The following BRCA1 variants were observed in gnomAD, a reference collection of about 807,000 sequenced individuals.
The protein encoded by BRCA1 is breast cancer type 1 susceptibility protein.
In BRCA1, 140 loss-of-function variants were observed where a neutral mutation model predicts 173.7. That is an observed-to-expected ratio of 0.81 (90% CI 0.70 to 0.93). The LOEUF is 0.93. BRCA1 is among the 40% of genes least tolerant of loss of function. BRCA1 has a pLI of 0.00. For synonymous variants in BRCA1, 662 were observed against 756.0 expected (o/e 0.88, Z 2.04); for missense variants, 1,983 against 2,172.5 (o/e 0.91, Z 1.73).
intron 2 of BRCA1, among the ~76,000 whole-genome samples, chr17:43,118,099 G>A (rs2055379129): frequency 1.3e-5 from 2 of 152,132 alleles, no homozygotes; most frequent in South Asian, 4.1e-4. Context: ...GGGGAGTCAG[G>A]AAAGGTTTCA....
chr17:43,063,656 T>G (rs1372446574), intron 17 of BRCA1, among the ~76,000 whole-genome samples: 2 of 152,198 alleles, frequency 1.3e-5, no homozygotes, highest in African/African-American at 4.8e-5. Flanking sequence ...TAGGAGCAGA[T>G]TAGGTCCTAT....
chr17:43,143,189 C>T (rs902935556), intron 1 of BRCA1, among the ~76,000 whole-genome samples: 1 of 151,664 alleles, frequency 6.6e-6, no homozygotes, highest in African/African-American at 2.4e-5. Context: ...GATCCGCCTG[C>T]CTTGGCCTCC....
intron 1 of BRCA1, chr17:43,153,802 C>CG (rs2056178724): frequency 6.6e-6 from 1 of 152,162 alleles, no homozygotes; most frequent in African/African-American, 2.4e-5. Flanking sequence ...ACTGTGTACT[C>CG]TTATTAGATC....
chr17:43,095,119 C>T (rs377114453), intron 9 of BRCA1, among the ~76,000 whole-genome samples: 22 of 152,060 alleles, frequency 1.4e-4, no homozygotes, highest in African/African-American at 4.3e-4. Context: ...ATTTCTCTAA[C>T]GTCTAAGAGT....
chr17:43,094,727 G>A lies in BRCA1; in HGVS notation c.804C>T (p.Asn268=), dbSNP rs771076131. 5.6e-6 allele frequency: 9 copies of A among 1,611,386 alleles called. No individual in the cohort carries two copies. Among genetic ancestry groups the A allele is most frequent in the Middle Eastern group, 1.6e-4 (1 of 6,072 alleles). The change falls in exon 10 of 23, where the codon AAC becomes AAT. Residue 268 remains asparagine (N), a synonymous_variant. Coordinates refer to ENST00000357654, the MANE Select transcript of BRCA1 (RefSeq NM_007294.4). The stretch of plus-strand genomic sequence containing the variant: ...TTGTGCCACATGGCTCCACATGCAA[G>A]TTTGAAACAGAACTACCCTGATACT... ...PEKYQGSSVS[N]LHVEPCGTNT...
chr17:43,079,611 T>C (rs970589485), intron 12 of BRCA1: 4 of 838,992 alleles, frequency 4.8e-6, no homozygotes, highest in Non-Finnish European at 8.3e-6. Flanking sequence ...CAAGACAGCT[T>C]CCTGAAACGC....
chr17:43,114,280 A>C (rs2055166707), intron 3 of BRCA1, among the ~76,000 whole-genome samples: 2 of 152,120 alleles, frequency 1.3e-5, no homozygotes, highest in Non-Finnish European at 2.9e-5. Flanking sequence ...TTTGTTACTC[A>C]AGCTGACAAG....
In BRCA1 at chr17:43,063,940, C is replaced by G. The variant is rs80357125; in HGVS notation, c.5086G>C (p.Val1696Leu). The G allele has an allele frequency of 2.5e-6, 4 of 1,614,050 alleles. No homozygotes were observed. The highest frequency in any genetic ancestry group is 3.4e-6 in the Non-Finnish European group (4 of 1,179,956). The part of the protein sequence containing the change: ...HVVMKTDAEF[V>L]CERTLKYFLG... ...AAATATTTCAGTGTCCGTTCACACA[C>G]AAACTCAGCATCTGCAGAATGAAAA... Residue 1696 changes from valine (V) to leucine (L), a missense_variant, in exon 17 of 23, where the codon GTG becomes CTG. Physicochemically the swap from Val to Leu is conservative, Grantham distance 32. Transcript: ENST00000357654.
upstream of BRCA1, among the ~76,000 whole-genome samples, chr17:43,130,396 C>CCTTGCCTCCCAGATTCAAGCAATTCT (rs1345431491): frequency 1.3e-5 from 2 of 152,170 alleles, no homozygotes; most frequent in African/African-American, 2.4e-5. Flanking sequence ...CGCACTGCAA[C>CCTTGCCTCCCAGATTCAAGCAATTCT]CTTGCCTCCC....
At chr17:43,140,188 C>T (rs576931680) in intron 1 of BRCA1, 1 of 282,876 alleles carries the variant, frequency 3.5e-6, no homozygotes, top group Non-Finnish European at 7.1e-6. Flanking sequence ...GCTGGGTTGG[C>T]GAACACATCC....
chr17:43,124,135 C>T lies in BRCA1; in HGVS notation c.-19-20G>A. The T allele has an allele frequency of 7.7e-7, 1 of 1,291,250 alleles. No individual in the cohort carries two copies. The allele number at this position is 1,291,250 out of a possible 1,614,324, so 80.0% of individuals were successfully genotyped here. On this transcript the variant is annotated intron_variant, in intron 1 of 22. Coordinates refer to ENST00000357654, the MANE Select transcript of BRCA1 (RefSeq NM_007294.4). ...AATGAACTTTAACACATTAGAAAAA[C>T]ATATATATATATCTTTTTAAAAGGT...
At chr17:43,133,218 C>T (rs2055985985) in intron 1 of BRCA1, 2 of 152,116 alleles carry the variant, frequency 1.3e-5, no homozygotes, top group South Asian at 4.1e-4. Flanking sequence ...TCCCTCATCT[C>T]CTAGGTTAGT....
chr17:43,065,612 CAAGAT>C (rs1254346046), intron 16 of BRCA1, among the ~76,000 whole-genome samples: 3 of 152,146 alleles, frequency 2.0e-5, no homozygotes, highest in Admixed American at 6.5e-5. Context: ...TGCAGCAAGC[CAAGAT>C]CGTGCCATTG....
Position 43,154,109 on chromosome 17 carries a change from C to T in BRCA1, c.-20+16017G>A, listed in dbSNP as rs185567967. On this transcript the variant is annotated intron_variant, in intron 1 of 7. Coordinates refer to the BRCA1 transcript ENST00000634433. ...GCTAAGGCAGAAGGATCACTTGAAC[C>T]CTGGAGGTGGAGGTTGCAGAGTGAG... 7.2e-5 allele frequency among the ~76,000 whole-genome samples: 11 copies of T among 152,080 alleles called. No homozygotes were observed. The East Asian group carries it at 1.9e-3, about 27-fold the overall frequency.
intron 17 of BRCA1, 67 bp from the exon 18 acceptor site, chr17:43,063,440 G>A (rs561146481): frequency 7.6e-7 from 1 of 1,321,990 alleles, no homozygotes; most frequent in Admixed American, 1.7e-5. Flanking sequence ...CGGAGATAGA[G>A]AGGTCAGCGA....
intron 2 of BRCA1, among the ~76,000 whole-genome samples, chr17:43,121,377 A>AAAAAC (rs891251174): frequency 2.4e-4 from 37 of 151,818 alleles, no homozygotes; most frequent in African/African-American, 7.0e-4. Flanking sequence ...CGTGTCTCAA[A>AAAAAC]AAAACAAAAC....
In BRCA1 at chr17:43,093,756, C is replaced by T. The variant is rs786203044; in HGVS notation, c.1775G>A (p.Ser592Asn). ...GATATTTAATTCGAGTTCCATATTG[C>T]TTATACTGCTGCTTATAGGTTCAGC... ...TKAEPISSSI[S>N]NMELELNIHN... Residue 592 changes from serine to asparagine, a missense_variant, in exon 10 of 23, where the codon AGC becomes AAC. Ser to Asn is a conservative substitution (Grantham distance 46). Transcript: ENST00000357654. 6.2e-7 allele frequency: 1 copy of T among 1,613,924 alleles called. No homozygotes were observed. Among genetic ancestry groups the T allele is most frequent in the Non-Finnish European group, 8.5e-7 (1 of 1,179,990 alleles).
At chr17:43,089,679 C>CT (rs531751162) in intron 11 of BRCA1, among the ~76,000 whole-genome samples, 58 of 149,362 alleles carry the variant, frequency 3.9e-4, no homozygotes, top group African/African-American at 1.2e-3. Context: ...TCCCATCTTT[C>CT]TTTTTTTTAA....
intron 1 of BRCA1, among the ~76,000 whole-genome samples, chr17:43,156,883 G>A (rs762849264): frequency 1.2e-4 from 18 of 152,250 alleles, no homozygotes; most frequent in Non-Finnish European, 2.2e-4. Context: ...AAGGGAAAAG[G>A]AAAAAAATTA....
Sources: gnomAD v4.1 joint callset for allele counts (sites outside exome capture counted in the v4.1 genomes callset) on GRCh38, gnomAD v4.1.1 for gene constraint, MANE v1.5 for transcripts, NCBI Gene and HGNC (gene_info 2026-07-23, HGNC 2026-07-21) for gene names.